CFAP299: variants seen among roughly 807,000 people sequenced by gnomAD.
The protein encoded by CFAP299 is cilia- and flagella-associated protein 299.
CFAP299 carries 21 observed loss-of-function variants against 27.0 expected under a neutral mutation model. That is an observed-to-expected ratio of 0.78 (90% CI 0.55 to 1.12). CFAP299 has a LOEUF of 1.12. Among genes scored for constraint, CFAP299 ranks in the 50% most tolerant of loss-of-function variants. The pLI is 0.00. For missense variants in CFAP299, 310 were observed against 276.6 expected, an observed-to-expected ratio of 1.12 and a Z score of -0.86; for synonymous variants, 104 against 98.1, an observed-to-expected ratio of 1.06 and a Z score of -0.36.
intron 5 of CFAP299, among the ~76,000 whole-genome samples, chr4:80,949,293 A>G (rs1231044901): frequency 2.6e-5 from 4 of 152,166 alleles, no homozygotes; most frequent in Non-Finnish European, 4.4e-5. Flanking sequence ...AAGTCAAAAC[A>G]TAACTGCAGT....
chr4:80,851,868 A>G (rs1284507611), intron 3 of CFAP299, among the ~76,000 whole-genome samples: 1 of 151,692 alleles, frequency 6.6e-6, no homozygotes, highest in Non-Finnish European at 1.5e-5. Flanking sequence ...GTGGAACTAC[A>G]GTTGAATTTC....
chr4:80,776,010 T>C (rs994733531), intron 3 of CFAP299, among the ~76,000 whole-genome samples: 1 of 152,158 alleles, frequency 6.6e-6, no homozygotes. Flanking sequence ...CATCTCTTTT[T>C]CTTCTTTTTC....
chr4:80,758,775 C>G (rs1031859149), intron 3 of CFAP299, among the ~76,000 whole-genome samples: 1 of 152,180 alleles, frequency 6.6e-6, no homozygotes, highest in Non-Finnish European at 1.5e-5. Context: ...AAATGCACAT[C>G]TGTCATGTGA....
intron 3 of CFAP299, among the ~76,000 whole-genome samples, chr4:80,730,246 C>CTGTG (rs1246881788): frequency 1.4e-4 from 19 of 134,852 alleles, no homozygotes; most frequent in Admixed American, 4.8e-4. Flanking sequence ...CTCTCTCTCT[C>CTGTG]TCTGTGTGTG....
At chr4:80,896,785 A>T (rs1734630076) in intron 4 of CFAP299, among the ~76,000 whole-genome samples, 2 of 152,172 alleles carry the variant, frequency 1.3e-5, no homozygotes, top group African/African-American at 4.8e-5. Flanking sequence ...TAGTGCTTAT[A>T]ACACAATGGC....
At chr4:80,447,065 C>CTTATGTGA (rs1204301643) in intron 2 of CFAP299, among the ~76,000 whole-genome samples, 1 of 147,568 alleles carries the variant, frequency 6.8e-6, no homozygotes, top group Non-Finnish European at 1.5e-5. Flanking sequence ...CTTACCCTCT[C>CTTATGTGA]TTATGTGATT....
intron 2 of CFAP299, among the ~76,000 whole-genome samples, chr4:80,384,338 A>C (rs759421406): frequency 1.1e-4 from 16 of 152,124 alleles, no homozygotes; most frequent in Admixed American, 8.5e-4. Flanking sequence ...TTAAAAACAA[A>C]ATTATTTAGT....
chr4:80,488,266 C>A (rs1034957486), intron 2 of CFAP299, among the ~76,000 whole-genome samples: 2 of 152,072 alleles, frequency 1.3e-5, no homozygotes, highest in Admixed American at 6.6e-5. Flanking sequence ...GAGGAATCCC[C>A]AGAGGTTTTG....
At chr4:80,586,037 A>G (rs1456222483) in intron 3 of CFAP299, among the ~76,000 whole-genome samples, 2 of 152,146 alleles carry the variant, frequency 1.3e-5, no homozygotes, top group East Asian at 3.9e-4. Flanking sequence ...AGTGATTAAA[A>G]AACAGATTTT....
At chr4:80,353,220 T>A (rs1158191899) in intron 1 of CFAP299, among the ~76,000 whole-genome samples, 2 of 152,220 alleles carry the variant, frequency 1.3e-5, no homozygotes, top group African/African-American at 2.4e-5. Context: ...TTGGGGCAGT[T>A]CTCTTTAAAT....
intron 3 of CFAP299, among the ~76,000 whole-genome samples, chr4:80,606,117 A>G (rs1213485643): frequency 1.3e-5 from 2 of 152,224 alleles, no homozygotes; most frequent in Non-Finnish European, 2.9e-5. Flanking sequence ...GGTGTGGGCA[A>G]ACAAGTCAGT....
At chr4:80,322,247 G>A in the CFAP299 span, among the ~76,000 whole-genome samples, 14 of 152,192 alleles carry the variant, frequency 9.2e-5, no homozygotes, top group African/African-American at 3.4e-4. Context: ...CAGCCGAGCT[G>A]CTAAATGCAT....
At chr4:80,651,872 T>C (rs1437028190) in intron 3 of CFAP299, among the ~76,000 whole-genome samples, 1 of 152,042 alleles carries the variant, frequency 6.6e-6, no homozygotes, top group African/African-American at 2.4e-5. Context: ...TGTGAAGAGT[T>C]CACGTGTTTA....
chr4:80,784,322 C>A (rs754326261), intron 3 of CFAP299, among the ~76,000 whole-genome samples: 2 of 152,058 alleles, frequency 1.3e-5, no homozygotes, highest in Non-Finnish European at 2.9e-5. Context: ...TAACAGTGTA[C>A]GAAGGTTCCT....
intron 2 of CFAP299, among the ~76,000 whole-genome samples, chr4:80,561,911 C>A (rs1735052071): frequency 6.6e-6 from 1 of 152,004 alleles, no homozygotes; most frequent in South Asian, 2.1e-4. Context: ...AAAGACTAAA[C>A]AATGAGCCAA....
intron 2 of CFAP299, among the ~76,000 whole-genome samples, chr4:80,416,858 C>A (rs1055215241): frequency 6.6e-6 from 1 of 152,146 alleles, no homozygotes; most frequent in Non-Finnish European, 1.5e-5. Flanking sequence ...CTTATTGTTA[C>A]TGGAAAAGAG....
chr4:80,898,109 G>T (rs1734701581), intron 4 of CFAP299, among the ~76,000 whole-genome samples: 1 of 152,174 alleles, frequency 6.6e-6, no homozygotes, highest in Non-Finnish European at 1.5e-5. Flanking sequence ...GCCATCTGTG[G>T]ATGGTTTAAG....
chr4:80,807,611 TA>T (rs1728930265), intron 3 of CFAP299, among the ~76,000 whole-genome samples: 1 of 152,120 alleles, frequency 6.6e-6, no homozygotes, highest in Non-Finnish European at 1.5e-5. Context: ...AGGTCTCTGG[TA>T]CCTTTCAACC....
At chr4:80,884,578 C>A (rs1016545748) in intron 4 of CFAP299, among the ~76,000 whole-genome samples, 1 of 149,870 alleles carries the variant, frequency 6.7e-6, no homozygotes, top group African/African-American at 2.5e-5. Context: ...AATAACCTAA[C>A]TTTACACATA....
Sources: allele counts gnomAD v4.1 joint callset (sites outside exome capture counted in the v4.1 genomes callset), GRCh38; gene constraint gnomAD v4.1.1; transcripts MANE v1.5; gene names NCBI Gene and HGNC (gene_info 2026-07-23, HGNC 2026-07-21).